SI: variants seen among roughly 807,000 people sequenced by gnomAD.
SI encodes sucrase-isomaltase.
A neutral mutation model predicts 253.3 loss-of-function variants in SI; 235 were observed. The observed-to-expected ratio is 0.93, with a 90% CI of 0.83 to 1.03. The LOEUF (loss-of-function observed/expected upper bound fraction) is 1.03. Ranked by LOEUF, SI falls within the 50% of genes least tolerant of loss-of-function variation. SI has a pLI of 0.00. For synonymous variants in SI, 819 were observed against 712.0 expected (o/e 1.15, Z -2.39); for missense variants, 2,442 against 2,211.1 (o/e 1.10, Z -2.09).
chr3:165,057,299 C>CA (rs1370587303), intron 12 of SI, among the ~76,000 whole-genome samples: 2 of 148,692 alleles, frequency 1.3e-5, no homozygotes, highest in Admixed American at 6.7e-5. Context: ...TCAGAGGAGA[C>CA]AAAAAAAGAA....
At chr3:164,988,935 A>C in intron 44 of SI, among the ~76,000 whole-genome samples, 1 of 152,072 alleles carries the variant, frequency 6.6e-6, no homozygotes, top group East Asian at 1.9e-4. Context: ...AAAAATGGTG[A>C]TAGACAGAAA....
chr3:165,043,298 A>C, intron 16 of SI, 123 bp from the exon 17 acceptor site: 1 of 675,040 alleles, frequency 1.5e-6, no homozygotes, highest in Non-Finnish European at 2.6e-6. Context: ...CCTTTTATAT[A>C]TGCTTCCTTA....
intron 9 of SI, among the ~76,000 whole-genome samples, chr3:165,060,839 A>C (rs978382681): frequency 1.4e-5 from 2 of 146,520 alleles, no homozygotes; most frequent in Non-Finnish European, 3.0e-5. Context: ...ATATATATAC[A>C]TATATATCTG....
At chr3:165,038,079 A>G (rs1712625691) in intron 20 of SI, 55 bp from the exon 21 acceptor site, 8 of 1,471,828 alleles carry the variant, frequency 5.4e-6, no homozygotes, top group Admixed American at 1.7e-5. Flanking sequence ...TTTAAACTCT[A>G]TTTCACAAGA....
chr3:165,030,922 A>G lies in SI; in HGVS notation c.2737-55T>C, dbSNP rs1464310643. The G allele has an allele frequency of 4.0e-6, 6 of 1,512,222 alleles. No homozygotes were observed. The African/African-American group carries it at 8.5e-5, about 21-fold the overall frequency. The allele number at this position is 1,512,222 out of a possible 1,614,324, so 93.7% of individuals were successfully genotyped here. On this transcript the variant is annotated intron_variant, in intron 24 of 47. Coordinates refer to ENST00000264382, the MANE Select transcript of SI (RefSeq NM_001041.4). ...AAGAAAAAAAAAACACAAACAAACA[A>G]AAACATTAAACACTGTATCTGATCA...
Position 164,994,381 on chromosome 3 carries a change from C to T in SI, c.4717G>A (p.Glu1573Lys). The stretch of plus-strand genomic sequence containing the variant: ...TTCCTTGACATTTCAGCAAAAGTTT[C>T]ATTCCAGGAAGCGGGATCTTGTCTC... Reference protein sequence around the residue: ...TRRQDPASWNETFAEMSRNIL... With the variant: ...TRRQDPASWNKTFAEMSRNIL... Residue 1573 changes from glutamate (E) to lysine (K), a missense_variant, in exon 41 of 48, where the codon GAA becomes AAA. Physicochemically the swap from Glu to Lys is moderately conservative, Grantham distance 56 (BLOSUM62 1). Transcript: ENST00000264382. The T allele has an allele frequency of 1.2e-6, 2 of 1,610,954 alleles. No homozygotes were observed. Among genetic ancestry groups the T allele is most frequent in the Non-Finnish European group, 1.7e-6 (2 of 1,177,790 alleles).
At position 165,015,583 on chromosome 3, in the gene SI, T is replaced by C. The variant is rs532388235; in HGVS notation, c.3889-350A>G. ...AATCACCAATCTGAAGGCAAGTTTTTAAATATGAAAAACATCAGAAGCAAT... is the reference window on the plus strand; with the variant it reads ...AATCACCAATCTGAAGGCAAGTTTTCAAATATGAAAAACATCAGAAGCAAT... On this transcript the variant is annotated intron_variant, in intron 32 of 47. Transcript: ENST00000264382. Among the ~76,000 whole-genome samples the C allele has an allele frequency of 4.6e-5, 7 of 152,196 alleles. No individual in the cohort carries two copies. In the South Asian group the frequency reaches 1.4e-3, roughly 32 times the overall value.
intron 23 of SI, among the ~76,000 whole-genome samples, 197 bp downstream of exon 23, chr3:165,033,198 T>C (rs945315457): frequency 6.6e-5 from 10 of 151,594 alleles, no homozygotes; most frequent in African/African-American, 1.9e-4. Flanking sequence ...TCACAAACTT[T>C]ATAAAATTTT....
chr3:165,048,707 T>C (rs1713266251), intron 15 of SI, among the ~76,000 whole-genome samples: 1 of 151,660 alleles, frequency 6.6e-6, no homozygotes, highest in Non-Finnish European at 1.5e-5. Context: ...AACCTCTGCC[T>C]CCTGGGTTCA....
intron 15 of SI, 81 bp from the exon 16 acceptor site, chr3:165,047,093 C>T (rs1304387434): frequency 2.6e-6 from 3 of 1,149,388 alleles, no homozygotes; most frequent in African/African-American, 3.1e-5. Context: ...TTCATAATTC[C>T]AAAGCCATGT....
intron 1 of SI, among the ~76,000 whole-genome samples, chr3:165,077,794 A>C (rs912217108): frequency 3.3e-5 from 5 of 151,618 alleles, no homozygotes; most frequent in Non-Finnish European, 7.4e-5. Flanking sequence ...TAAAAAATGC[A>C]TTTTTGTCAT....
chr3:165,021,956 T>G (rs532883523), intron 26 of SI, among the ~76,000 whole-genome samples: 1 of 151,756 alleles, frequency 6.6e-6, no homozygotes, highest in African/African-American at 2.4e-5. Flanking sequence ...AAGCATTTAT[T>G]TTTCATTGTT....
chr3:165,065,988 T>C (rs1560016010), intron 6 of SI, among the ~76,000 whole-genome samples: 1 of 151,922 alleles, frequency 6.6e-6, no homozygotes, highest in Non-Finnish European at 1.5e-5. Context: ...AGTCATTGCA[T>C]ATACAGTCAG....
At chr3:164,990,132 G>T (rs1717660600) in intron 44 of SI, among the ~76,000 whole-genome samples, 1 of 152,052 alleles carries the variant, frequency 6.6e-6, no homozygotes, top group South Asian at 2.1e-4. Flanking sequence ...TTTTACGGGG[G>T]GTGTTGAAAA....
rs533076249 is a variant in SI at position 165,074,359 on chromosome 3, G to C, written c.255+172C>G. The C allele has an allele frequency of 6.5e-4, 240 of 366,430 alleles. 1 individual carries two copies. Among genetic ancestry groups the C allele is most frequent in the Non-Finnish European group, 1.0e-3 (217 of 207,902 alleles). The allele number at this position is 366,430 out of a possible 1,614,324, so 22.7% of individuals were successfully genotyped here. A position where few individuals can be genotyped will look rare whatever the true frequency, so the allele number is the denominator to read the frequency against. On this transcript the variant is annotated intron_variant, in intron 3 of 47. Transcript: ENST00000264382. ...TTGAGCAGAGATAAAGGAAAGCAAG[G>C]TCAGTAACTTCTATTATCTATCATT... is the stretch of plus-strand genomic sequence containing the variant.
chr3:165,050,210 T>A (rs1310683848), intron 13 of SI, among the ~76,000 whole-genome samples: 1 of 152,176 alleles, frequency 6.6e-6, no homozygotes, highest in South Asian at 2.1e-4. Context: ...TCCTTGCATA[T>A]TCATTGATTC....
intron 33 of SI, among the ~76,000 whole-genome samples, chr3:165,014,843 C>A (rs979252088): frequency 7.2e-5 from 11 of 152,006 alleles, no homozygotes; most frequent in Non-Finnish European, 1.3e-4. Context: ...AGCCATCTTA[C>A]TAATGGTAGT....
At chr3:165,008,279 TATA>T (rs1241507101) in intron 35 of SI, among the ~76,000 whole-genome samples, 4 of 151,958 alleles carry the variant, frequency 2.6e-5, no homozygotes, top group African/African-American at 4.8e-5. Context: ...GACATAGCAT[TATA>T]ATAATATGTG....
chr3:165,085,484 T>C, the SI span, among the ~76,000 whole-genome samples: 1 of 152,136 alleles, frequency 6.6e-6, no homozygotes. Context: ...ATTGCTTATT[T>C]AACTCAAATG....
Sources: allele counts gnomAD v4.1 joint callset (sites outside exome capture counted in the v4.1 genomes callset), GRCh38; gene constraint gnomAD v4.1.1; transcripts MANE v1.5; gene names NCBI Gene and HGNC (gene_info 2026-07-23, HGNC 2026-07-21).